SGCZ: variants seen among roughly 807,000 people sequenced by gnomAD.
SGCZ encodes zeta-sarcoglycan.
Under a neutral mutation model 41.3 loss-of-function variants are expected in SGCZ, and 40 were observed. The ratio of observed to expected loss-of-function variants is 0.97; its 90% confidence interval spans 0.75 to 1.26. The LOEUF is 1.26. Ranked by LOEUF, SGCZ falls within the 50% of genes most tolerant of loss-of-function variation. The pLI, the probability that SGCZ is intolerant of heterozygous loss-of-function variation, is 0.00. For missense variants in SGCZ, 552 were observed against 369.8 expected, an observed-to-expected ratio of 1.49 and a Z score of -4.04; for synonymous variants, 206 against 137.5, an observed-to-expected ratio of 1.50 and a Z score of -3.49.
intron 6 of SGCZ, among the ~76,000 whole-genome samples, chr8:14,105,001 G>C (rs1341552608): frequency 6.6e-6 from 1 of 151,940 alleles, no homozygotes; most frequent in African/African-American, 2.4e-5. Context: ...TTTTACCATA[G>C]GTACAGAAAC....
chr8:14,255,356 T>A (rs925945092), intron 3 of SGCZ, among the ~76,000 whole-genome samples: 10 of 152,178 alleles, frequency 6.6e-5, no homozygotes, highest in African/African-American at 2.4e-4. Context: ...CATTCGAAGA[T>A]GTTTTCATGA....
At chr8:14,300,355 AAAGG>A (rs1229842223) in intron 3 of SGCZ, among the ~76,000 whole-genome samples, 2 of 151,602 alleles carry the variant, frequency 1.3e-5, no homozygotes, top group Non-Finnish European at 2.9e-5. Flanking sequence ...AAGCGGGGAG[AAAGG>A]AAGGAAGAGA....
At chr8:14,739,128 G>A (rs773269984) in intron 1 of SGCZ, among the ~76,000 whole-genome samples, 14 of 152,150 alleles carry the variant, frequency 9.2e-5, no homozygotes, top group Non-Finnish European at 1.3e-4. Context: ...GTCTGTGTGC[G>A]TGAGAGAGAG....
At chr8:14,502,761 C>T (rs910436592) in intron 2 of SGCZ, among the ~76,000 whole-genome samples, 10 of 152,126 alleles carry the variant, frequency 6.6e-5, no homozygotes, top group Admixed American at 3.3e-4. Flanking sequence ...TACCATGTCA[C>T]GCCAGTTAGA....
intron 1 of SGCZ, among the ~76,000 whole-genome samples, chr8:15,008,257 G>A (rs75255100): frequency 0.02 from 2,963 of 151,808 alleles, 106 homozygotes; most frequent in African/African-American, 0.068. Flanking sequence ...TCATTAATTC[G>A]TAGGGCCTTC....
At chr8:15,038,332 G>C (rs1803943166) in intron 1 of SGCZ, among the ~76,000 whole-genome samples, 1 of 151,986 alleles carries the variant, frequency 6.6e-6, no homozygotes. Context: ...TTTTGACAAA[G>C]TTTGCAAGAA....
chr8:14,279,224 T>G, intron 3 of SGCZ, among the ~76,000 whole-genome samples: 1 of 152,110 alleles, frequency 6.6e-6, no homozygotes, highest in Non-Finnish European at 1.5e-5. Context: ...TTACTTTTGG[T>G]TTTCTTTGAG....
chr8:14,775,381 C>A (rs1269190172), intron 1 of SGCZ, among the ~76,000 whole-genome samples: 4 of 151,964 alleles, frequency 2.6e-5, no homozygotes, highest in Non-Finnish European at 5.9e-5. Context: ...TACTACCTAT[C>A]ACAAAGAATC....
chr8:14,799,621 T>C (rs114586114), intron 1 of SGCZ, among the ~76,000 whole-genome samples: 2,048 of 152,146 alleles, frequency 0.013, 36 homozygotes, highest in African/African-American at 0.034. Context: ...AAGAAGTGAA[T>C]TGCAAGTCCA....
At chr8:15,024,898 T>C (rs570279289) in intron 1 of SGCZ, among the ~76,000 whole-genome samples, 1 of 151,816 alleles carries the variant, frequency 6.6e-6, no homozygotes, top group African/African-American at 2.4e-5. Flanking sequence ...ATGGCGCCAC[T>C]GCACTCCAGC....
intron 2 of SGCZ, among the ~76,000 whole-genome samples, chr8:14,466,711 T>C (rs1204073993): frequency 3.3e-5 from 5 of 151,914 alleles, no homozygotes; most frequent in Non-Finnish European, 7.4e-5. Flanking sequence ...TGTGGAATTT[T>C]TTACTCTGCC....
At chr8:14,231,906 C>T (rs577673198) in intron 4 of SGCZ, among the ~76,000 whole-genome samples, 1 of 152,116 alleles carries the variant, frequency 6.6e-6, no homozygotes, top group African/African-American at 2.4e-5. Flanking sequence ...AGTTTAATTA[C>T]TCTGTAAGAT....
intron 2 of SGCZ, among the ~76,000 whole-genome samples, chr8:14,498,576 G>A (rs1802059512): frequency 6.6e-6 from 1 of 151,762 alleles, no homozygotes; most frequent in Non-Finnish European, 1.5e-5. Context: ...TAATTCTTTT[G>A]CCTTTTCTTA....
In SGCZ at chr8:14,926,672, C is replaced by T. The variant is rs147157622; in HGVS notation, c.39+310913G>A. On this transcript the variant is annotated intron_variant, in intron 1 of 7. Coordinates refer to ENST00000382080, the MANE Select transcript of SGCZ (RefSeq NM_139167.4). The stretch of plus-strand genomic sequence containing the variant: ...TTTTTTTGTTTTTTTGAGACAGTCT[C>T]GCTCTGTTGCCAGACTGGAGTGCAG... Among the ~76,000 whole-genome samples, 767 of 151,844 alleles carry T rather than the reference C, an allele frequency of 5.1e-3. 11 individuals carry two copies. Among genetic ancestry groups the T allele is most frequent in the African/African-American group, 0.016 (664 of 41,392 alleles).
At chr8:14,746,506 C>G (rs570726849) in intron 1 of SGCZ, among the ~76,000 whole-genome samples, 3 of 152,212 alleles carry the variant, frequency 2.0e-5, no homozygotes, top group East Asian at 3.9e-4. Flanking sequence ...ATTCATATTT[C>G]CTCATTCACT....
intron 4 of SGCZ, among the ~76,000 whole-genome samples, chr8:14,189,763 T>G (rs1401565417): frequency 6.6e-6 from 1 of 152,158 alleles, no homozygotes; most frequent in Non-Finnish European, 1.5e-5. Context: ...TGCTTTGTCT[T>G]ATCACTTTTG....
At chr8:15,229,765 T>C (rs1378664870) in intron 1 of SGCZ, among the ~76,000 whole-genome samples, 1 of 152,236 alleles carries the variant, frequency 6.6e-6, no homozygotes, top group East Asian at 1.9e-4. Context: ...CATTGATTTA[T>C]TGTATCATGT....
intron 1 of SGCZ, among the ~76,000 whole-genome samples, chr8:14,856,000 A>T (rs1276477625): frequency 6.6e-6 from 1 of 152,226 alleles, no homozygotes; most frequent in East Asian, 1.9e-4. Flanking sequence ...CGACAATTCA[A>T]TTCCTGTTCA....
intron 1 of SGCZ, among the ~76,000 whole-genome samples, chr8:14,810,213 G>A (rs549748164): frequency 6.6e-6 from 1 of 152,094 alleles, no homozygotes; most frequent in Non-Finnish European, 1.5e-5. Flanking sequence ...TTAGCAGATT[G>A]TGAATTTGGT....
Sources: gnomAD v4.1 joint callset for allele counts (sites outside exome capture counted in the v4.1 genomes callset) on GRCh38, gnomAD v4.1.1 for gene constraint, MANE v1.5 for transcripts, NCBI Gene and HGNC (gene_info 2026-07-23, HGNC 2026-07-21) for gene names.